DMD: variants seen among roughly 807,000 people sequenced by gnomAD.
The protein encoded by DMD is dystrophin, also known as mutant dystrophin.
A neutral mutation model predicts 330.1 loss-of-function variants in DMD; 63 were observed. The observed-to-expected ratio is 0.19, with a 90% CI of 0.16 to 0.24. The LOEUF is 0.24. Among genes scored for constraint, DMD ranks in the 10% least tolerant of loss-of-function variants. DMD has a pLI of 1.00. For synonymous variants in DMD, 1,223 were observed against 959.8 expected, an observed-to-expected ratio of 1.27 and a Z score of -5.07; for missense variants, 3,344 against 2,684.1, an observed-to-expected ratio of 1.25 and a Z score of -5.43.
At chrX:31,664,913 T>TC (rs780459253) in intron 53 of DMD, among the ~76,000 whole-genome samples, 2 of 111,026 alleles carry the variant, frequency 1.8e-5, no homozygotes, top group African/African-American at 6.5e-5. Context: ...CAAGACAAAG[T>TC]CCTAACCTCT....
At chrX:31,538,634 A>C (rs1200437914) in intron 55 of DMD, among the ~76,000 whole-genome samples, 1 of 112,244 alleles carries the variant, frequency 8.9e-6, no homozygotes, top group African/African-American at 3.2e-5. Context: ...GTAGTAGTAC[A>C]TATGTTTCTG....
intron 60 of DMD, among the ~76,000 whole-genome samples, chrX:31,403,807 C>A (rs1323775485): frequency 1.8e-5 from 2 of 111,114 alleles, no homozygotes; most frequent in South Asian, 3.8e-4. Context: ...TCCTTTGATT[C>A]TTAGATGATC....
chrX:32,835,852 T>C (rs2079567732), intron 4 of DMD, among the ~76,000 whole-genome samples: 1 of 111,315 alleles, frequency 9.0e-6, no homozygotes, highest in East Asian at 2.8e-4. Context: ...TACCAAAAAG[T>C]ATCATTTTGA....
chrX:32,835,538 A>G (rs1326399196), intron 4 of DMD, among the ~76,000 whole-genome samples: 1 of 112,684 alleles, frequency 8.9e-6, no homozygotes, highest in Non-Finnish European at 1.9e-5. Context: ...TTTCCAAAAT[A>G]CATTATTGAC....
intron 55 of DMD, among the ~76,000 whole-genome samples, chrX:31,569,636 A>ACG (rs2075678824): frequency 1.0e-5 from 1 of 98,414 alleles, no homozygotes; most frequent in African/African-American, 3.8e-5. Context: ...ATATACGTAT[A>ACG]TATATGTATA....
At chrX:31,704,256 G>A (rs962006746) in intron 52 of DMD, among the ~76,000 whole-genome samples, 2 of 111,337 alleles carry the variant, frequency 1.8e-5, no homozygotes, top group African/African-American at 3.3e-5. Flanking sequence ...TGCAATGCTT[G>A]GGTTTATGGG....
intron 29 of DMD, among the ~76,000 whole-genome samples, chrX:32,420,175 A>T (rs905975140): frequency 2.7e-5 from 3 of 111,930 alleles, no homozygotes; most frequent in Admixed American, 1.9e-4. Context: ...TTGACTGCAC[A>T]TGTGTTCATA....
chrX:32,930,417 C>T (rs1167939009), intron 2 of DMD, among the ~76,000 whole-genome samples: 1 of 110,366 alleles, frequency 9.1e-6, no homozygotes, highest in Non-Finnish European at 1.9e-5. Context: ...GTCTAGTATT[C>T]TACTTAGAGA....
At chrX:31,762,468 C>T (rs746900360) in intron 51 of DMD, among the ~76,000 whole-genome samples, 4 of 111,492 alleles carry the variant, frequency 3.6e-5, no homozygotes, top group Non-Finnish European at 7.5e-5. Flanking sequence ...ACTCAGGAGG[C>T]TGAGGCAGGA....
rs186565844 is a variant in DMD, at chrX:31,411,601, G to A, written c.9084+32880C>T. On this transcript the variant is annotated intron_variant, in intron 60 of 78. Coordinates refer to ENST00000357033, the MANE Select transcript of DMD (RefSeq NM_004006.3). ...CCAATTCTCTTTGTAGAGAAAGGAG[G>A]TTGTATGTTGTCTATAAATTATAGG... 3.7e-3 allele frequency among the ~76,000 whole-genome samples: 407 copies of A among 111,224 alleles called. 1 individual carries two copies. Among genetic ancestry groups the A allele is most frequent in the African/African-American group, 0.013 (388 of 30,609 alleles).
At chrX:31,893,634 C>T (rs1472235537) in intron 47 of DMD, among the ~76,000 whole-genome samples, 6 of 110,440 alleles carry the variant, frequency 5.4e-5, no homozygotes, top group African/African-American at 2.0e-4. Context: ...GATGAGGATG[C>T]CTGGTGGTAG....
At chrX:31,219,813 G>A (rs1374173902) in intron 64 of DMD, among the ~76,000 whole-genome samples, 1 of 74,589 alleles carries the variant, frequency 1.3e-5, no homozygotes, top group African/African-American at 4.4e-5. Context: ...TCAAACCCAT[G>A]TTGTTCAAGG....
chrX:31,565,580 T>C (rs1020777820), intron 55 of DMD, among the ~76,000 whole-genome samples: 2 of 112,074 alleles, frequency 1.8e-5, no homozygotes, highest in African/African-American at 6.5e-5. Context: ...TTTTTGGCTA[T>C]AATGAATAAT....
chrX:32,687,971 A>T (rs2063002309), intron 9 of DMD, among the ~76,000 whole-genome samples: 1 of 111,580 alleles, frequency 9.0e-6, no homozygotes, highest in Non-Finnish European at 1.9e-5. Flanking sequence ...AAATAATAAA[A>T]CATAAAAATA....
At chrX:33,089,734 G>C (rs1165048198) in intron 1 of DMD, among the ~76,000 whole-genome samples, 1 of 111,225 alleles carries the variant, frequency 9.0e-6, no homozygotes, top group Non-Finnish European at 1.9e-5. Context: ...AAATTAATGA[G>C]CTAATTATTA....
chrX:31,553,127 C>A (rs763693107), intron 55 of DMD, among the ~76,000 whole-genome samples: 10 of 111,885 alleles, frequency 8.9e-5, no homozygotes, highest in African/African-American at 3.2e-4. Context: ...CCATCCCAGA[C>A]CAACTGACAC....
At chrX:32,265,673 G>A (rs1015908843) in intron 43 of DMD, among the ~76,000 whole-genome samples, 3 of 112,656 alleles carry the variant, frequency 2.7e-5, no homozygotes, top group South Asian at 3.6e-4. Context: ...TTGCATCAGC[G>A]TGACCTGGAT....
At chrX:31,730,951 A>AT (rs1170872442) in intron 51 of DMD, among the ~76,000 whole-genome samples, 1 of 111,789 alleles carries the variant, frequency 8.9e-6, no homozygotes, top group African/African-American at 3.2e-5. Flanking sequence ...TTTCTAACGA[A>AT]TTTTGGTTTT....
At chrX:31,658,433 G>A (rs1315588653) in intron 53 of DMD, among the ~76,000 whole-genome samples, 1 of 111,385 alleles carries the variant, frequency 9.0e-6, no homozygotes, top group Non-Finnish European at 1.9e-5. Flanking sequence ...TTTATCACAA[G>A]AGAAAAAAAC....
Sources: allele counts gnomAD v4.1 joint callset (sites outside exome capture counted in the v4.1 genomes callset), GRCh38; gene constraint gnomAD v4.1.1; transcripts MANE v1.5; gene names NCBI Gene and HGNC (gene_info 2026-07-23, HGNC 2026-07-21).